The following ADD1 variants were observed in gnomAD, a reference collection of about 807,000 sequenced individuals.
The protein encoded by ADD1 is alpha-adducin.
In ADD1, 24 loss-of-function variants were observed where a neutral mutation model predicts 80.5. The observed-to-expected ratio is 0.30, with a 90% CI of 0.22 to 0.42. ADD1 has a LOEUF of 0.42. ADD1 is among the 10% of genes least tolerant of loss of function. ADD1 has a pLI of 1.00. For synonymous variants in ADD1, 373 were observed against 393.8 expected, an observed-to-expected ratio of 0.95 and a Z score of 0.63; for missense variants, 948 against 1,019.0, an observed-to-expected ratio of 0.93 and a Z score of 0.95.
At chr4:2,912,623 C>G (rs1271156271) in intron 13 of ADD1, among the ~76,000 whole-genome samples, 1 of 152,124 alleles carries the variant, frequency 6.6e-6, no homozygotes, top group Non-Finnish European at 1.5e-5. Flanking sequence ...ACCTCTCAGG[C>G]CAAAAGAATC....
At chr4:2,860,379 A>C (rs1392770051) in intron 1 of ADD1, among the ~76,000 whole-genome samples, 1 of 152,176 alleles carries the variant, frequency 6.6e-6, no homozygotes, top group East Asian at 1.9e-4. Context: ...GCAGTCTGGA[A>C]TTTCCTTGTG....
At chr4:2,887,051 A>G (rs1412005598) in intron 4 of ADD1, among the ~76,000 whole-genome samples, 2 of 152,200 alleles carry the variant, frequency 1.3e-5, no homozygotes, top group East Asian at 3.8e-4. Context: ...TCCTCCTTTA[A>G]TTGTTTAAGA....
At chr4:2,896,219 T>C (rs1735198049) in intron 6 of ADD1, among the ~76,000 whole-genome samples, 1 of 151,392 alleles carries the variant, frequency 6.6e-6, no homozygotes, top group Admixed American at 6.6e-5. Flanking sequence ...ATCTTGGTTT[T>C]TTTTTTGGAG....
intron 1 of ADD1, among the ~76,000 whole-genome samples, chr4:2,852,764 T>C (rs1727507809): frequency 1.3e-5 from 2 of 148,886 alleles, no homozygotes; most frequent in Non-Finnish European, 3.0e-5. Context: ...AGCGGTGCGA[T>C]CTTGGCTCTC....
intron 2 of ADD1, among the ~76,000 whole-genome samples, chr4:2,879,125 G>A (rs1731817171): frequency 6.6e-6 from 1 of 152,120 alleles, no homozygotes; most frequent in Non-Finnish European, 1.5e-5. Context: ...CTGAGGGTAT[G>A]GATGTTGAAC....
At chr4:2,866,410 A>C (rs550457883) in intron 1 of ADD1, among the ~76,000 whole-genome samples, 9 of 152,096 alleles carry the variant, frequency 5.9e-5, no homozygotes, top group African/African-American at 2.2e-4. Flanking sequence ...TCCTGACCTC[A>C]GGTGATCTGT....
At chr4:2,880,665 C>T (rs1448598204) in intron 2 of ADD1, among the ~76,000 whole-genome samples, 23 of 150,844 alleles carry the variant, frequency 1.5e-4, no homozygotes, top group Non-Finnish European at 2.1e-4. Context: ...TTAGTAGAGA[C>T]GGGGTTTCAC....
At chr4:2,916,124 T>A (rs1329441582) in intron 14 of ADD1, among the ~76,000 whole-genome samples, 3 of 151,750 alleles carry the variant, frequency 2.0e-5, no homozygotes, top group African/African-American at 7.3e-5. Context: ...ACAAAAGAAT[T>A]CACTAATTTG....
Position 2,899,381 on chromosome 4 carries a change from G to A in ADD1, c.1107G>A (p.Lys369=). 6.2e-7 allele frequency: 1 copy of A among 1,614,206 alleles called. No homozygotes were observed. The highest frequency in any genetic ancestry group is 8.5e-7 in the Non-Finnish European group (1 of 1,180,030). Residue 369 remains lysine, a synonymous_variant, in exon 9 of 16, where the codon AAG becomes AAA. Transcript: ENST00000683351. ...GGGAAGGCACTGGATCGCCTCCCAAGTGGCAGATTGGTGAGCAGGAATTTG... is the reference window on the plus strand; with the variant it reads ...GGGAAGGCACTGGATCGCCTCCCAAATGGCAGATTGGTGAGCAGGAATTTG... ...PVGEGTGSPP[K]WQIGEQEFEA...
intron 4 of ADD1, chr4:2,887,475 C>T (rs1367618090): frequency 8.1e-6 from 1 of 123,420 alleles, no homozygotes. Flanking sequence ...GGGGACAAGA[C>T]GGGGTGGCCC....
chr4:2,889,676 TG>T (rs1733972900), intron 4 of ADD1, among the ~76,000 whole-genome samples: 1 of 151,682 alleles, frequency 6.6e-6, no homozygotes, highest in South Asian at 2.1e-4. Context: ...ACAAAAAATT[TG>T]GCCAGGCATG....
chr4:2,870,490 C>G (rs911315309), intron 1 of ADD1, among the ~76,000 whole-genome samples: 1 of 151,646 alleles, frequency 6.6e-6, no homozygotes, highest in Non-Finnish European at 1.5e-5. Context: ...TATAATGCAA[C>G]AGAGAGTGCT....
Position 2,898,471 on chromosome 4 carries a change from A to C in ADD1, c.924A>C (p.Gly308=). 2 of 1,614,174 alleles carry C rather than the reference A, an allele frequency of 1.2e-6. No individual in the cohort carries two copies. The highest frequency in any genetic ancestry group is 1.7e-6 in the Non-Finnish European group (2 of 1,180,026). Residue 308 remains glycine (G), a synonymous_variant, in exon 8 of 16, where the codon GGA becomes GGC. Transcript: ENST00000683351. ...ILRNHGLVSV[G]ESVEEAFYYI... is the part of the protein sequence containing the mutation. ...GGAACCATGGGCTCGTGTCAGTTGG[A>C]GAGAGCGTTGAGGAGGCCTTCTATT...
At position 2,909,560 on chromosome 4, in the gene ADD1, G is replaced by A. The variant is rs576134733; in HGVS notation, c.1791+129G>A. Reference sequence around the variant, plus strand: ...CTTCAAATGGATCTTTAACCTGTTTGTGAGATTGTACAGAAGGTTCTGTTC... The same window carrying A: ...CTTCAAATGGATCTTTAACCTGTTTATGAGATTGTACAGAAGGTTCTGTTC... On this transcript the variant is annotated intron_variant, in intron 13 of 15. Coordinates refer to ENST00000683351, the MANE Select transcript of ADD1 (RefSeq NM_001354761.2). 6.3e-4 allele frequency: 419 copies of A among 668,492 alleles called. 3 individuals are homozygous for A. Among genetic ancestry groups the A allele is most frequent in the Non-Finnish European group, 1.3e-4 (50 of 387,128 alleles). 41.4% of individuals were successfully genotyped at this position (668,492 alleles called of 1,614,324 possible). A position where few individuals can be genotyped will look rare whatever the true frequency, so the allele number is the denominator to read the frequency against.
intron 1 of ADD1, among the ~76,000 whole-genome samples, chr4:2,852,131 C>CGGCCTCT (rs913599378): frequency 1.4e-5 from 2 of 140,362 alleles, no homozygotes; most frequent in African/African-American, 5.4e-5. Context: ...CCACAGCACC[C>CGGCCTCT]GGCCTCTTTT....
intron 4 of ADD1, among the ~76,000 whole-genome samples, chr4:2,886,273 T>C (rs1431483037): frequency 6.6e-6 from 1 of 152,206 alleles, no homozygotes; most frequent in Admixed American, 6.5e-5. Flanking sequence ...TTCGTTAAGC[T>C]CCATTCTGGA....
chr4:2,912,514 A>G (rs931638353), intron 13 of ADD1, among the ~76,000 whole-genome samples: 4 of 151,308 alleles, frequency 2.6e-5, no homozygotes, highest in South Asian at 2.1e-4. Context: ...CTCTGTGCCA[A>G]TGGATTTTTA....
intron 1 of ADD1, among the ~76,000 whole-genome samples, chr4:2,851,848 T>G (rs939580311): frequency 4.7e-5 from 7 of 148,868 alleles, no homozygotes; most frequent in Non-Finnish European, 1.0e-4. Flanking sequence ...TTTTTATTCT[T>G]TTTTTTTTTT....
chr4:2,898,331 A>G lies in ADD1; in HGVS notation c.885+4A>G, dbSNP rs753930563. On this transcript the variant is annotated splice_donor_region_variant and intron_variant, in intron 7 of 15. Transcript: ENST00000683351. ...AAATCTGGGGCCTAAAAGCAAGGTC[A>G]GTAGGCATCTAATCTGGTATTTAAA... 19 of 1,614,128 alleles carry G rather than the reference A, an allele frequency of 1.2e-5. No individual in the cohort carries two copies. In the Admixed American group the frequency reaches 1.3e-4, roughly 11 times the overall value.
Sources: allele counts gnomAD v4.1 joint callset (sites outside exome capture counted in the v4.1 genomes callset), GRCh38; gene constraint gnomAD v4.1.1; transcripts MANE v1.5; gene names NCBI Gene and HGNC (gene_info 2026-07-23, HGNC 2026-07-21).